Variants in DAB2IP observed in about 807,000 individuals in gnomAD.
DAB2IP encodes disabled homolog 2-interacting protein.
In DAB2IP, 28 loss-of-function variants were observed where a neutral mutation model predicts 107.2. The observed-to-expected ratio is 0.26, with a 90% CI of 0.19 to 0.36. The LOEUF is 0.36. DAB2IP is among the 10% of genes least tolerant of loss of function. The pLI is 1.00. For missense variants in DAB2IP, 1,400 were observed against 1,644.7 expected, an observed-to-expected ratio of 0.85 and a Z score of 2.57; for synonymous variants, 755 against 706.4, an observed-to-expected ratio of 1.07 and a Z score of -1.09.
At chr9:121,676,663 A>ACT (rs201952573) in intron 1 of DAB2IP, among the ~76,000 whole-genome samples, 1,864 of 150,586 alleles carry the variant, frequency 0.012, 32 homozygotes, top group African/African-American at 0.045. Context: ...TCACACACAC[A>ACT]CGCACACACA....
intron 1 of DAB2IP, among the ~76,000 whole-genome samples, chr9:121,625,315 C>T (rs1281872875): frequency 6.6e-6 from 1 of 150,934 alleles, no homozygotes; most frequent in Non-Finnish European, 1.5e-5. Context: ...TCTTGGCTCA[C>T]TGAAGCCTCT....
intron 1 of DAB2IP, among the ~76,000 whole-genome samples, chr9:121,621,317 C>A (rs540973905): frequency 3.3e-5 from 5 of 152,312 alleles, no homozygotes; most frequent in Non-Finnish European, 7.4e-5. Flanking sequence ...CCCTATTTTC[C>A]CTGAGATATA....
chr9:121,643,010 C>T (rs533328625), intron 1 of DAB2IP, among the ~76,000 whole-genome samples: 3 of 150,772 alleles, frequency 2.0e-5, no homozygotes, highest in East Asian at 1.9e-4. Context: ...GAGATGCAAA[C>T]GCCCTGAGGT....
rs777068267 is a variant in DAB2IP, at chr9:121,760,559, G to A, written c.1170+120G>A. On this transcript the variant is annotated intron_variant, in intron 6 of 15. Transcript: ENST00000408936. The surrounding 1 kb of genome is among the most constrained non-coding windows in gnomAD (Gnocchi z 5.9). ...GCCTTGGAGGCACCGGTCACTACCA[G>A]AAGGGCTCCCTAAACCCAAAAGTTC... 66 of 1,282,802 alleles carry A rather than the reference G, an allele frequency of 5.1e-5. No homozygotes were observed. Among genetic ancestry groups the A allele is most frequent in the Non-Finnish European group, 6.8e-5 (65 of 960,970 alleles). The allele number at this position is 1,282,802 out of a possible 1,614,324, so 79.5% of individuals were successfully genotyped here.
chr9:121,781,585 G>C, intron 15 of DAB2IP, 34 bp downstream of exon 15: 5 of 1,602,972 alleles, frequency 3.1e-6, no homozygotes, highest in Non-Finnish European at 4.3e-6. Context: ...AGCCACAAGA[G>C]TTAAAGGGCC....
intron 3 of DAB2IP, among the ~76,000 whole-genome samples, chr9:121,753,470 C>T (rs918138345): frequency 4.6e-5 from 7 of 152,194 alleles, no homozygotes; most frequent in Admixed American, 3.9e-4. Context: ...GGACTTGACC[C>T]AGGGCTGGGG....
intron 2 of DAB2IP, among the ~76,000 whole-genome samples, chr9:121,682,378 A>G (rs1185336678): frequency 6.6e-6 from 1 of 152,178 alleles, no homozygotes; most frequent in African/African-American, 2.4e-5. Flanking sequence ...GGTGCTCCGC[A>G]GGGAGAATCA....
At chr9:121,752,494 G>A (rs2118939306) in intron 3 of DAB2IP, among the ~76,000 whole-genome samples, 1 of 152,348 alleles carries the variant, frequency 6.6e-6, no homozygotes, top group East Asian at 1.9e-4. Context: ...TCCCAGCACA[G>A]CCTGGATATG....
chr9:121,693,354 C>T (rs938345072), intron 2 of DAB2IP, among the ~76,000 whole-genome samples: 5 of 152,298 alleles, frequency 3.3e-5, no homozygotes, highest in African/African-American at 9.6e-5. Flanking sequence ...CAGCCTGCCG[C>T]GGTGTCAGGT....
At chr9:121,713,942 T>C (rs2118788258) in intron 3 of DAB2IP, among the ~76,000 whole-genome samples, 1 of 152,294 alleles carries the variant, frequency 6.6e-6, no homozygotes, top group South Asian at 2.1e-4. Context: ...ACTTCCTCCA[T>C]GATCTGGGAC....
chr9:121,719,103 G>A (rs775884833), intron 3 of DAB2IP, among the ~76,000 whole-genome samples: 1 of 152,156 alleles, frequency 6.6e-6, no homozygotes, highest in Admixed American at 6.5e-5. Flanking sequence ...CAGAACCTCC[G>A]GGCAAACCTG....
At chr9:121,723,926 C>T (rs1342647469) in intron 3 of DAB2IP, among the ~76,000 whole-genome samples, 2 of 152,166 alleles carry the variant, frequency 1.3e-5, no homozygotes, top group African/African-American at 2.4e-5. Flanking sequence ...GCAGAGAGCC[C>T]TGCCCACCTC....
intron 10 of DAB2IP, among the ~76,000 whole-genome samples, 199 bp from the exon 11 acceptor site, chr9:121,770,347 C>T (rs1253978726): frequency 2.0e-5 from 3 of 152,188 alleles, no homozygotes; most frequent in Non-Finnish European, 2.9e-5. Context: ...TAGAAATGTC[C>T]GGGAGCTGGT....
At chr9:121,590,695 T>C (rs182553811) in intron 1 of DAB2IP, among the ~76,000 whole-genome samples, 6 of 152,244 alleles carry the variant, frequency 3.9e-5, no homozygotes, top group Admixed American at 3.9e-4. Context: ...ACAAACAGTA[T>C]CCAACAACAA....
At chr9:121,642,246 A>T (rs370240539) in intron 1 of DAB2IP, among the ~76,000 whole-genome samples, 2 of 150,266 alleles carry the variant, frequency 1.3e-5, no homozygotes, top group African/African-American at 4.9e-5. Context: ...ATGCCTGGCT[A>T]ATTATTATTA....
In DAB2IP at chr9:121,628,391, A is replaced by G. The variant is rs368284072; in HGVS notation, c.41-50287A>G. ...GTGGAAGATTGGCACAAGCCATGGG[A>G]TCACCCATTTATCTTCTAGCGAGAT... On this transcript the variant is annotated intron_variant, in intron 1 of 16. Transcript: ENST00000259371. Among the ~76,000 whole-genome samples, 118 of 152,330 alleles carry G rather than the reference A, an allele frequency of 7.7e-4. 1 individual carries two copies. Among genetic ancestry groups the G allele is most frequent in the African/African-American group, 2.6e-3 (108 of 41,576 alleles).
At chr9:121,710,330 G>T (rs541052486) in intron 3 of DAB2IP, among the ~76,000 whole-genome samples, 55 of 152,338 alleles carry the variant, frequency 3.6e-4, no homozygotes, top group Middle Eastern at 6.8e-3. Context: ...GGCACCCGGG[G>T]CTCTGCTGGG....
chr9:121,638,185 GA>G (rs1442227182), intron 1 of DAB2IP, among the ~76,000 whole-genome samples: 2 of 152,094 alleles, frequency 1.3e-5, no homozygotes, highest in African/African-American at 2.4e-5. Flanking sequence ...ATTGAAGATA[GA>G]AAAAAATTGC....
At chr9:121,647,916 C>T (rs867226529), upstream of DAB2IP, among the ~76,000 whole-genome samples, 7 of 151,096 alleles carry the variant, frequency 4.6e-5, no homozygotes, top group African/African-American at 9.7e-5. Context: ...AATACTACTC[C>T]GCCATACAAA....
Sources: allele counts gnomAD v4.1 joint callset (sites outside exome capture counted in the v4.1 genomes callset), GRCh38; gene constraint gnomAD v4.1.1; non-coding constraint Gnocchi (gnomAD v3.1); transcripts MANE v1.5; gene names NCBI Gene and HGNC (gene_info 2026-07-23, HGNC 2026-07-21).